Variants in ZNF704 observed in about 807,000 individuals in gnomAD.
ZNF704 encodes glucocorticoid induced gene 1.
ZNF704 carries 10 observed loss-of-function variants against 44.7 expected under a neutral mutation model. The ratio of observed to expected loss-of-function variants is 0.22; its 90% confidence interval spans 0.14 to 0.38. The LOEUF is 0.38. ZNF704 is among the 10% of genes least tolerant of loss of function. The probability of loss-of-function intolerance (pLI) is 1.00; values close to 1 mark genes in which losing one functional copy is unlikely to be tolerated. For missense variants in ZNF704, 390 were observed against 545.5 expected (o/e 0.71, Z 2.84); for synonymous variants, 211 against 207.6 (o/e 1.02, Z -0.14).
chr8:80,667,582 T>C (rs1818215039), intron 5 of ZNF704, among the ~76,000 whole-genome samples: 1 of 152,240 alleles, frequency 6.6e-6, no homozygotes, highest in African/African-American at 2.4e-5. Flanking sequence ...GTTAAACCTC[T>C]TTGTCGCTTC....
chr8:80,664,402 G>T (rs954855589), intron 6 of ZNF704, among the ~76,000 whole-genome samples: 4 of 151,876 alleles, frequency 2.6e-5, no homozygotes, highest in Admixed American at 1.3e-4. Context: ...CTCCTCAGTA[G>T]CTGGGATTAC....
At chr8:80,673,217 T>C (rs899570040) in intron 4 of ZNF704, 1 of 152,186 alleles carries the variant, frequency 6.6e-6, no homozygotes, top group African/African-American at 2.4e-5. Context: ...ATACACTTTT[T>C]CCCCCATGCA....
chr8:80,714,695 G>T (rs549241063), intron 2 of ZNF704, among the ~76,000 whole-genome samples: 2 of 152,114 alleles, frequency 1.3e-5, no homozygotes, highest in South Asian at 4.2e-4. Flanking sequence ...ATTTCTCTTA[G>T]CGACCATTAG....
chr8:80,817,768 T>TA (rs1182010511), intron 2 of ZNF704, among the ~76,000 whole-genome samples: 3 of 152,142 alleles, frequency 2.0e-5, no homozygotes, highest in Admixed American at 6.6e-5. Flanking sequence ...AAGATATCAA[T>TA]AAAAAAATTG....
intron 2 of ZNF704, among the ~76,000 whole-genome samples, chr8:80,800,161 G>A (rs1030377628): frequency 2.0e-5 from 3 of 152,152 alleles, no homozygotes; most frequent in Non-Finnish European, 4.4e-5. Flanking sequence ...TGAGAAATAT[G>A]GGATTATGTA....
intron 2 of ZNF704, among the ~76,000 whole-genome samples, chr8:80,781,095 T>C (rs1236063300): frequency 6.6e-6 from 1 of 152,180 alleles, no homozygotes; most frequent in Non-Finnish European, 1.5e-5. Context: ...CCTTAGCTCA[T>C]GATCATTAGT....
At chr8:80,823,662 G>A (rs1428328002) in intron 1 of ZNF704, among the ~76,000 whole-genome samples, 1 of 152,168 alleles carries the variant, frequency 6.6e-6, no homozygotes, top group Non-Finnish European at 1.5e-5. Flanking sequence ...TAACTGGGAG[G>A]TACCTCCCAG....
intron 2 of ZNF704, among the ~76,000 whole-genome samples, chr8:80,743,572 T>G (rs949804993): frequency 1.3e-5 from 2 of 152,246 alleles, no homozygotes; most frequent in African/African-American, 4.8e-5. Flanking sequence ...CTCTCCTGGC[T>G]GCTGCCGCTC....
At chr8:80,670,961 C>G (rs1818269016) in intron 4 of ZNF704, among the ~76,000 whole-genome samples, 3 of 152,140 alleles carry the variant, frequency 2.0e-5, no homozygotes, top group Admixed American at 1.3e-4. Context: ...AAGACAGATA[C>G]TAATATTAAT....
chr8:80,724,831 C>A (rs1401306690), intron 2 of ZNF704, among the ~76,000 whole-genome samples: 2 of 152,166 alleles, frequency 1.3e-5, no homozygotes, highest in Admixed American at 6.5e-5. Flanking sequence ...GATTTCCCTG[C>A]CCTAGTCTCT....
chr8:80,838,687 GGAGGGGAGCAGACACTGGAGGAGGAGGAA>G (rs1344546504), intron 1 of ZNF704, among the ~76,000 whole-genome samples: 3 of 149,836 alleles, frequency 2.0e-5, no homozygotes, highest in South Asian at 2.1e-4. Context: ...AGGAGGAGGA[GGAGGGGAGCAGACACTGGAGGAGGAGGAA>G]GAGGGGAGCA....
intron 4 of ZNF704, among the ~76,000 whole-genome samples, chr8:80,686,078 TC>T (rs1324710537): frequency 1.3e-5 from 2 of 152,244 alleles, no homozygotes; most frequent in Non-Finnish European, 2.9e-5. Flanking sequence ...TTTCCTTTAT[TC>T]TGTGAAATGG....
chr8:80,651,497 A>G (rs986663948), intron 7 of ZNF704, among the ~76,000 whole-genome samples: 47 of 152,200 alleles, frequency 3.1e-4, no homozygotes, highest in Non-Finnish European at 5.1e-4. Flanking sequence ...GGAAAACAAA[A>G]AAAGGCAGGG....
chr8:80,706,489 T>C (rs1317697372), intron 2 of ZNF704, among the ~76,000 whole-genome samples: 1 of 152,244 alleles, frequency 6.6e-6, no homozygotes, highest in Non-Finnish European at 1.5e-5. Context: ...GTAGCTATTT[T>C]ACCTTTTTGT....
At chr8:80,869,162 G>A (rs904278630) in intron 1 of ZNF704, among the ~76,000 whole-genome samples, 8 of 152,170 alleles carry the variant, frequency 5.3e-5, no homozygotes, top group Admixed American at 5.2e-4. Context: ...TTGGATTTGT[G>A]CTGGCCCTGG....
intron 2 of ZNF704, among the ~76,000 whole-genome samples, chr8:80,794,615 A>T (rs983412409): frequency 2.0e-5 from 3 of 152,256 alleles, no homozygotes; most frequent in Non-Finnish European, 4.4e-5. Context: ...AAGCTATGCA[A>T]CATAACTAAA....
At chr8:80,767,089 G>C (rs1042050055) in intron 2 of ZNF704, among the ~76,000 whole-genome samples, 3 of 152,006 alleles carry the variant, frequency 2.0e-5, no homozygotes, top group African/African-American at 7.2e-5. Flanking sequence ...GTCCATGCCA[G>C]AATTTCCTAA....
intron 1 of ZNF704, among the ~76,000 whole-genome samples, chr8:80,859,433 C>A (rs1428652934): frequency 6.6e-6 from 1 of 152,076 alleles, no homozygotes; most frequent in African/African-American, 2.4e-5. Flanking sequence ...AGTGGGAAAG[C>A]AAGTGTTGGA....
At chr8:80,687,155 C>T (rs937066837) in intron 4 of ZNF704, 71 bp downstream of exon 4, 27 of 1,338,418 alleles carry the variant, frequency 2.0e-5, no homozygotes, top group Middle Eastern at 1.9e-4. Flanking sequence ...AAGCTCACAC[C>T]GGCCCTTCAG....
Sources: allele counts gnomAD v4.1 joint callset (sites outside exome capture counted in the v4.1 genomes callset), GRCh38; gene constraint gnomAD v4.1.1; transcripts MANE v1.5; gene names NCBI Gene and HGNC (gene_info 2026-07-23, HGNC 2026-07-21).